ADGRL3: variants seen among roughly 807,000 people sequenced by gnomAD.
The protein encoded by ADGRL3 is calcium-independent alpha-latrotoxin receptor 3.
In ADGRL3, 62 loss-of-function variants were observed where a neutral mutation model predicts 153.5. The observed-to-expected ratio is 0.40, with a 90% confidence interval of 0.33 to 0.50. The LOEUF (loss-of-function observed/expected upper bound fraction) is 0.50. ADGRL3 is among the 20% of genes least tolerant of loss of function. The pLI, the probability that ADGRL3 is intolerant of heterozygous loss-of-function variation, is 0.47. For synonymous variants in ADGRL3, 710 were observed against 672.5 expected (o/e 1.06, Z -0.86); for missense variants, 1,641 against 1,859.4 (o/e 0.88, Z 2.16).
intron 5 of ADGRL3, among the ~76,000 whole-genome samples, chr4:61,587,950 A>G (rs1237898879): frequency 6.6e-6 from 1 of 152,020 alleles, no homozygotes; most frequent in Non-Finnish European, 1.5e-5. Flanking sequence ...TATTCAGCAT[A>G]TGAAATTAAT....
At chr4:61,341,502 G>A (rs886576303) in intron 1 of ADGRL3, among the ~76,000 whole-genome samples, 1 of 150,808 alleles carries the variant, frequency 6.6e-6, no homozygotes, top group African/African-American at 2.4e-5. Context: ...AGTCATATAT[G>A]GGGCATCATA....
chr4:61,239,565 T>G (rs1754142725), intron 1 of ADGRL3, among the ~76,000 whole-genome samples: 1 of 151,952 alleles, frequency 6.6e-6, no homozygotes, highest in African/African-American at 2.4e-5. Context: ...TGATTGACAG[T>G]CTAAATCTCT....
At chr4:61,365,985 T>C (rs555114089) in intron 1 of ADGRL3, among the ~76,000 whole-genome samples, 1 of 152,162 alleles carries the variant, frequency 6.6e-6, no homozygotes, top group Non-Finnish European at 1.5e-5. Context: ...CAACAAGTTA[T>C]TTTTTTAGAA....
At chr4:61,932,943 T>G (rs560903264) in intron 13 of ADGRL3, among the ~76,000 whole-genome samples, 86 of 152,212 alleles carry the variant, frequency 5.7e-4, no homozygotes, top group Admixed American at 1.1e-3. Flanking sequence ...TTGACCATAG[T>G]TGTTTCTTTT....
chr4:61,464,199 C>T (rs931533366), intron 2 of ADGRL3, among the ~76,000 whole-genome samples: 9 of 152,168 alleles, frequency 5.9e-5, no homozygotes, highest in African/African-American at 2.2e-4. Flanking sequence ...GGAAAAGTAG[C>T]GTTATCCTCA....
chr4:62,022,129 G>A (rs888904387), intron 21 of ADGRL3, among the ~76,000 whole-genome samples: 4 of 152,134 alleles, frequency 2.6e-5, no homozygotes, highest in Admixed American at 6.6e-5. Flanking sequence ...CTAATCTATT[G>A]AACACATGAA....
At chr4:61,984,252 T>G (rs957530963) in intron 19 of ADGRL3, among the ~76,000 whole-genome samples, 3 of 152,120 alleles carry the variant, frequency 2.0e-5, no homozygotes, top group Non-Finnish European at 4.4e-5. Context: ...GATTAGAAAG[T>G]AAACCAAGAT....
rs553348361 is a variant in ADGRL3 at position 61,677,148 on chromosome 4, T to G, written c.583+213T>G. The G allele has an allele frequency of 4.7e-5, 23 of 493,188 alleles. No homozygotes were observed. In the South Asian group the frequency reaches 5.6e-4, roughly 12 times the overall value. 30.6% of individuals were successfully genotyped at this position (493,188 alleles called of 1,614,324 possible). On this transcript the variant is annotated intron_variant, in intron 6 of 26. Transcript: ENST00000683033. Reference sequence around the variant, plus strand: ...TACGGCATTTACTTGTGATTATTTCTGTATATGAATACGTGTTCTAACACA... The same window carrying G: ...TACGGCATTTACTTGTGATTATTTCGGTATATGAATACGTGTTCTAACACA...
chr4:61,377,764 T>C (rs1395419955), intron 1 of ADGRL3, among the ~76,000 whole-genome samples: 1 of 151,950 alleles, frequency 6.6e-6, no homozygotes, highest in Non-Finnish European at 1.5e-5. Context: ...CTTTTTCTCT[T>C]TGTTTAAGGT....
intron 21 of ADGRL3, among the ~76,000 whole-genome samples, chr4:62,019,565 CTT>C (rs1553911827): frequency 6.6e-6 from 1 of 151,858 alleles, no homozygotes; most frequent in Non-Finnish European, 1.5e-5. Flanking sequence ...TTCTCATTGA[CTT>C]TTTTAAGAAG....
At chr4:61,894,406 T>C (rs1186386845) in intron 10 of ADGRL3, among the ~76,000 whole-genome samples, 1 of 152,160 alleles carries the variant, frequency 6.6e-6, no homozygotes, top group Non-Finnish European at 1.5e-5. Flanking sequence ...TATTCAAAAA[T>C]ACTCATTTTA....
chr4:61,748,795 C>T (rs967956383), intron 8 of ADGRL3, among the ~76,000 whole-genome samples: 3 of 151,884 alleles, frequency 2.0e-5, no homozygotes, highest in Non-Finnish European at 4.4e-5. Flanking sequence ...AGGACATAGG[C>T]ATGGGCAAGG....
intron 19 of ADGRL3, among the ~76,000 whole-genome samples, chr4:61,986,478 T>C (rs574336434): frequency 6.6e-6 from 1 of 152,308 alleles, no homozygotes; most frequent in South Asian, 2.1e-4. Flanking sequence ...TGTGGCTTTG[T>C]TAAAGCTTTG....
intron 6 of ADGRL3, among the ~76,000 whole-genome samples, chr4:61,686,778 G>A (rs1287368894): frequency 6.6e-6 from 1 of 151,938 alleles, no homozygotes; most frequent in South Asian, 2.1e-4. Context: ...TTTACTTGTT[G>A]ACACATCTCT....
intron 1 of ADGRL3, among the ~76,000 whole-genome samples, chr4:61,379,219 T>C (rs1385580742): frequency 6.6e-6 from 1 of 151,966 alleles, no homozygotes; most frequent in Non-Finnish European, 1.5e-5. Flanking sequence ...GATTTGACCA[T>C]CATAAGTAAA....
chr4:61,866,587 A>G (rs1418957433), intron 9 of ADGRL3, among the ~76,000 whole-genome samples: 1 of 152,180 alleles, frequency 6.6e-6, no homozygotes, highest in East Asian at 1.9e-4. Context: ...GAGCTACTTC[A>G]TTCTCTTGCT....
At chr4:61,780,115 A>G (rs1231182527) in intron 8 of ADGRL3, among the ~76,000 whole-genome samples, 2 of 152,234 alleles carry the variant, frequency 1.3e-5, no homozygotes, top group Non-Finnish European at 2.9e-5. Flanking sequence ...ATATATATAT[A>G]CTACCTTCCT....
chr4:61,281,733 G>A (rs796862882), intron 1 of ADGRL3, among the ~76,000 whole-genome samples: 10 of 152,210 alleles, frequency 6.6e-5, no homozygotes, highest in East Asian at 1.9e-4. Context: ...CTGAGCATTA[G>A]TTGCTTGTCC....
chr4:61,324,189 C>G (rs1382866435), intron 1 of ADGRL3, among the ~76,000 whole-genome samples: 3 of 152,134 alleles, frequency 2.0e-5, no homozygotes, highest in Non-Finnish European at 4.4e-5. Context: ...ATAATGGGAG[C>G]TACAAGATGA....
Sources: allele counts gnomAD v4.1 joint callset (sites outside exome capture counted in the v4.1 genomes callset), GRCh38; gene constraint gnomAD v4.1.1; transcripts MANE v1.5; gene names NCBI Gene and HGNC (gene_info 2026-07-23, HGNC 2026-07-21).